Variants in CELF3 observed in about 807,000 individuals in gnomAD.
CELF3 encodes the protein CUGBP Elav-like family member 3.
In CELF3, 26 loss-of-function variants were observed where a neutral mutation model predicts 59.6. The ratio of observed to expected loss-of-function variants is 0.44; its 90% CI spans 0.32 to 0.61. CELF3 has a LOEUF of 0.61. Ranked by LOEUF, CELF3 falls within the 20% of genes least tolerant of loss-of-function variation. The probability of loss-of-function intolerance (pLI) is 0.06; values close to 1 mark genes in which losing one functional copy is unlikely to be tolerated. For missense variants in CELF3, 387 were observed against 627.2 expected (o/e 0.62, Z 4.09); for synonymous variants, 245 against 250.7 (o/e 0.98, Z 0.22).
At chr1:151,704,525 A>G (rs115625502) in intron 12 of CELF3, among the ~76,000 whole-genome samples, 102 of 152,274 alleles carry the variant, frequency 6.7e-4, no homozygotes, top group African/African-American at 2.3e-3. Flanking sequence ...CTGCTGCTAC[A>G]TGGGAAAAAT....
Position 151,709,190 on chromosome 1 carries a change from C to T in CELF3, c.406+30G>A, listed in dbSNP as rs369075027. 141 of 1,610,568 alleles carry T rather than the reference C, an allele frequency of 8.8e-5. No homozygotes were observed. The highest frequency in any genetic ancestry group is 1.1e-4 in the Non-Finnish European group (126 of 1,177,450). ...GGGTGGAACAGGAAGGGGAAGGGCC[C>T]GGTGGGGAAGGGGGAAGTGGGTGGA... On this transcript the variant is annotated intron_variant, in intron 4 of 12. Transcript: ENST00000290583. The surrounding 1 kb of genome is among the most constrained non-coding windows in gnomAD (Gnocchi z 4.9).
At chr1:151,706,838 G>A (rs1344337665) in intron 8 of CELF3, 104 bp from the exon 9 acceptor site, 3 of 868,498 alleles carry the variant, frequency 3.5e-6, no homozygotes, top group African/African-American at 1.7e-5. Flanking sequence ...GGGGAGCAGA[G>A]CTTCTCTGGG....
In CELF3 at chr1:151,716,602, T is replaced by A. The variant is rs375117187; in HGVS notation, c.-582A>T. ...AAGATCCCTGATGCCAGATGCTTGATCTCTGATGGCGGCAGGGCTCCAGGG... is the reference window on the plus strand; with the variant it reads ...AAGATCCCTGATGCCAGATGCTTGAACTCTGATGGCGGCAGGGCTCCAGGG... On this transcript the variant is annotated 5_prime_UTR_variant, in exon 1 of 13. Coordinates refer to ENST00000290583, the MANE Select transcript of CELF3 (RefSeq NM_007185.7). 2.9e-6 allele frequency: 1 copy of A among 347,584 alleles called. No individual in the cohort carries two copies. The highest frequency in any genetic ancestry group is 5.9e-6 in the Non-Finnish European group (1 of 169,944). 21.5% of individuals were successfully genotyped at this position (347,584 alleles called of 1,614,324 possible).
chr1:151,716,051 A>G lies in CELF3; in HGVS notation c.-31T>C, dbSNP rs760035220. 6 of 1,584,372 alleles carry G rather than the reference A, an allele frequency of 3.8e-6. No homozygotes were observed. In the African/African-American group the frequency reaches 6.7e-5, roughly 18 times the overall value. Reference sequence around the variant, plus strand: ...CGGCCCAGGAGGAGGGGCCGAGGGGAGCAGGGAGAGGCCCAAAGGCCAAGG... The same window carrying G: ...CGGCCCAGGAGGAGGGGCCGAGGGGGGCAGGGAGAGGCCCAAAGGCCAAGG... On this transcript the variant is annotated 5_prime_UTR_variant, in exon 1 of 13. Transcript: ENST00000290583.
At chr1:151,708,109 G>T in intron 5 of CELF3, 174 bp from the exon 6 acceptor site, 1 of 649,722 alleles carries the variant, frequency 1.5e-6, no homozygotes, top group Non-Finnish European at 2.5e-6. Context: ...CTCTCCCTAT[G>T]CTAGGATGTG....
rs1672217653 is a variant in CELF3, at chr1:151,703,234, T to G, written c.*225A>C. On this transcript the variant is annotated 3_prime_UTR_variant, in exon 13 of 13. Coordinates refer to ENST00000290583, the MANE Select transcript of CELF3 (RefSeq NM_007185.7). ...CTCCCTCACAAAGGCCAAAAGGGCA[T>G]CTAGGAGGAAATGGGCCCTTGGAGC... is the stretch of plus-strand genomic sequence containing the variant. 2.2e-6 allele frequency: 1 copy of G among 457,490 alleles called. No individual in the cohort carries two copies. The highest frequency in any genetic ancestry group is 6.9e-5 in the East Asian group (1 of 14,412). The allele number at this position is 457,490 out of a possible 1,614,324, so 28.3% of individuals were successfully genotyped here.
intron 1 of CELF3, 48 bp from the exon 2 acceptor site, chr1:151,714,724 A>G: frequency 7.7e-7 from 1 of 1,295,638 alleles, no homozygotes; most frequent in South Asian, 1.3e-5. Flanking sequence ...TGAGTCCTCC[A>G]TCTCCCCTCT....
Position 151,707,583 on chromosome 1 carries a change from C to T in CELF3, c.696G>A (p.Met232Ile). Residue 232 changes from methionine to isoleucine, a missense_variant, in exon 7 of 13, where the codon ATG becomes ATA. By Grantham distance (10) the Met-to-Ile change is conservative (BLOSUM62 1). This residue lies in a region of CELF3 where 208 missense variants were observed against 354.8 expected (regional missense o/e 0.59). Transcript: ENST00000290583. The stretch of plus-strand genomic sequence containing the variant: ...CCATGTGCTGCATCTGCACGGCAGC[C>T]ATGGTGGCCATGGGGCTGAGGTAGG... ...HSAYLSPMAT[M>I]AAVQMQHMAA... is the part of the protein sequence containing the mutation. 6.2e-7 allele frequency: 1 copy of T among 1,608,984 alleles called. No individual in the cohort carries two copies.
intron 2 of CELF3, among the ~76,000 whole-genome samples, chr1:151,714,091 T>C (rs1197747076): frequency 6.6e-6 from 1 of 152,152 alleles, no homozygotes; most frequent in Admixed American, 6.5e-5. Context: ...TTCCTGGGAC[T>C]CTTCCTGGGA....
chr1:151,704,826 A>T (rs910920865), intron 12 of CELF3, among the ~76,000 whole-genome samples: 10 of 152,014 alleles, frequency 6.6e-5, no homozygotes, highest in East Asian at 3.9e-4. Flanking sequence ...TGTGTGAGAG[A>T]GAGAGAGAGA....
rs1672413844 is a variant in CELF3, at chr1:151,705,238, A to G, written c.1271-70T>C. 2 of 1,520,730 alleles carry G rather than the reference A, an allele frequency of 1.3e-6. No individual in the cohort carries two copies. Among genetic ancestry groups the G allele is most frequent in the Admixed American group, 3.8e-5 (2 of 52,950 alleles). 94.2% of individuals were successfully genotyped at this position (1,520,730 alleles called of 1,614,324 possible). On this transcript the variant is annotated intron_variant, in intron 11 of 12. Coordinates refer to ENST00000290583, the MANE Select transcript of CELF3 (RefSeq NM_007185.7). The surrounding 1 kb of genome is among the most constrained non-coding windows in gnomAD (Gnocchi z 5.1). The stretch of plus-strand genomic sequence containing the variant: ...CTTCCGTGCTTAGGAGACCTCTGGC[A>G]CTACCCTGTGTCTCCCAAGTGTCCC...
intron 2 of CELF3, chr1:151,713,633 T>C (rs1309994631): frequency 2.0e-5 from 3 of 152,222 alleles, no homozygotes; most frequent in African/African-American, 7.2e-5. Context: ...ACATCTGGCC[T>C]GTCAAGAGCT....
chr1:151,709,348 T>A lies in CELF3; in HGVS notation c.278A>T (p.Glu93Val). The A allele has an allele frequency of 6.2e-7, 1 of 1,614,008 alleles. No homozygotes were observed. Among genetic ancestry groups the A allele is most frequent in the Non-Finnish European group, 8.5e-7 (1 of 1,179,944 alleles). ...VKPADSESRG[E>V]DRKLFVGMLG... is the part of the protein sequence containing the mutation. Reference sequence around the variant, plus strand: ...CATCCCCACAAAGAGCTTCCGGTCTTCTGGGTGGTAGGGCACAGGAGGAGG... The same window carrying A: ...CATCCCCACAAAGAGCTTCCGGTCTACTGGGTGGTAGGGCACAGGAGGAGG... Residue 93 changes from glutamate to valine, a missense_variant and splice_region_variant, in exon 4 of 13, where the codon GAA (glutamate) becomes GTA (valine). Glu to Val is a moderately radical substitution (Grantham distance 121). Around this residue, in one of 3 missense-constraint regions of CELF3, gnomAD observed 208 missense variants for 354.8 expected, o/e 0.59. Transcript: ENST00000290583. The surrounding 1 kb of genome is among the most constrained non-coding windows in gnomAD (Gnocchi z 4.9).
intron 8 of CELF3, 76 bp downstream of exon 8, chr1:151,707,069 G>T (rs953647947): frequency 1.3e-4 from 175 of 1,384,102 alleles, no homozygotes; most frequent in Non-Finnish European, 1.6e-4. Context: ...TGGGAGGGAA[G>T]GTGTGTCCTG....
chr1:151,714,951 G>A (rs772606172), intron 1 of CELF3, among the ~76,000 whole-genome samples: 2 of 151,910 alleles, frequency 1.3e-5, no homozygotes, highest in Non-Finnish European at 2.9e-5. Context: ...CCATGTGACC[G>A]CCAGACAAGT....
In CELF3 at chr1:151,705,546, C is replaced by T. The variant is rs1672435873; in HGVS notation, c.1270+276G>A. 6.6e-6 allele frequency among the ~76,000 whole-genome samples: 1 copy of T among 152,104 alleles called. No homozygotes were observed. Among genetic ancestry groups the T allele is most frequent in the Non-Finnish European group, 1.5e-5 (1 of 68,026 alleles). ...AGCTAAAACCGACTCCCCAAGCCCA[C>T]CTTTTGCAAACCAAACATCCCCAGA... On this transcript the variant is annotated intron_variant, in intron 11 of 12. Transcript: ENST00000290583. The surrounding 1 kb of genome is among the most constrained non-coding windows in gnomAD (Gnocchi z 5.1).
chr1:151,708,441 G>GTGTAGATCTCGGT, intron 5 of CELF3: 1 of 175,464 alleles, frequency 5.7e-6, no homozygotes, highest in South Asian at 1.5e-4. Context: ...AAAGCTGGAA[G>GTGTAGATCTCGGT]GGGCATAGGG....
Position 151,701,350 on chromosome 1 carries a change from C to T in CELF3, c.*2109G>A, listed in dbSNP as rs749211135. On this transcript the variant is annotated 3_prime_UTR_variant, in exon 13 of 13. Transcript: ENST00000290583. Reference sequence around the variant, plus strand: ...AAGAAGACACCTGTGTGATCCTGAGCCTGCCCTAAAGCAGCTCACAGAGAA... The same window carrying T: ...AAGAAGACACCTGTGTGATCCTGAGTCTGCCCTAAAGCAGCTCACAGAGAA... 6.6e-6 allele frequency among the ~76,000 whole-genome samples: 1 copy of T among 152,124 alleles called. No individual in the cohort carries two copies. Among genetic ancestry groups the T allele is most frequent in the African/African-American group, 2.4e-5 (1 of 41,408 alleles).
rs372369954 is a variant in CELF3 at position 151,706,722 on chromosome 1, G to A, written c.935C>T (p.Ala312Val). The A allele has an allele frequency of 3.6e-5, 56 of 1,550,044 alleles. No homozygotes were observed. The African/African-American group carries it at 4.5e-4, about 13-fold the overall frequency. ...GVHPYPAQSP[A>V]APVDPLQQAY... is the part of the protein sequence containing the mutation. ...CTGCTGCAGGGGGTCCACGGGGGCC[G>A]CGGGGCTCTGGGCTGGGGAGAGCAG... is the stretch of plus-strand genomic sequence containing the variant. Residue 312 changes from alanine (A) to valine (V), a missense_variant, in exon 9 of 13, where the codon GCG (alanine) becomes GTG (valine). Ala to Val is a moderately conservative substitution (Grantham distance 64). Transcript: ENST00000290583.
Sources: gnomAD v4.1 joint callset for allele counts (sites outside exome capture counted in the v4.1 genomes callset) on GRCh38, gnomAD v4.1.1 for gene constraint, gnomAD v4.1.1 regional missense constraint, Gnocchi (gnomAD v3.1) non-coding constraint, MANE v1.5 for transcripts, NCBI Gene and HGNC (gene_info 2026-07-23, HGNC 2026-07-21) for gene names.